Variants in TSGA10 observed in about 807,000 individuals in gnomAD.
TSGA10 encodes the protein testis specific 10, also known as testis-specific gene 10 protein.
TSGA10 carries 43 observed loss-of-function variants against 96.6 expected under a neutral mutation model. The ratio of observed to expected loss-of-function variants is 0.44; its 90% confidence interval spans 0.35 to 0.57. The LOEUF is 0.57. Ranked by LOEUF, TSGA10 falls within the 20% of genes least tolerant of loss-of-function variation. TSGA10 has a pLI of 0.01. For synonymous variants in TSGA10, 229 were observed against 269.9 expected (o/e 0.85, Z 1.48); for missense variants, 703 against 834.4 (o/e 0.84, Z 1.94).
intron 16 of TSGA10, among the ~76,000 whole-genome samples, chr2:99,060,114 CTATCTT>C (rs2084517550): frequency 6.6e-6 from 1 of 152,040 alleles, no homozygotes; most frequent in Admixed American, 6.6e-5. Context: ...AGAAGTAAAA[CTATCTT>C]TATACATTTA....
At chr2:99,042,551 C>T (rs539514918) in intron 16 of TSGA10, among the ~76,000 whole-genome samples, 12 of 152,264 alleles carry the variant, frequency 7.9e-5, no homozygotes, top group South Asian at 4.1e-4. Flanking sequence ...CTGTCTCTAC[C>T]GTCAAGCCTA....
chr2:99,150,704 T>C, intron 1 of TSGA10: 1 of 1,614,012 alleles, frequency 6.2e-7, no homozygotes, highest in South Asian at 1.1e-5. Context: ...AAAATAAGAT[T>C]AGAAGACACA....
intron 14 of TSGA10, among the ~76,000 whole-genome samples, chr2:99,069,920 G>T (rs990056853): frequency 6.6e-6 from 1 of 151,750 alleles, no homozygotes; most frequent in Admixed American, 6.6e-5. Context: ...AAAAAATCGT[G>T]CTAAAACACA....
intron 14 of TSGA10, 135 bp from the exon 15 acceptor site, chr2:99,069,133 AG>A (rs1574029335): frequency 2.3e-6 from 1 of 426,046 alleles, no homozygotes; most frequent in Non-Finnish European, 4.2e-6. Context: ...ATATAAAAAA[AG>A]AAAACACATA....
At chr2:99,078,289 A>G (rs1481382477) in intron 12 of TSGA10, among the ~76,000 whole-genome samples, 7 of 151,606 alleles carry the variant, frequency 4.6e-5, no homozygotes, top group Non-Finnish European at 1.0e-4. Context: ...AAAAAAAAAA[A>G]AAAGTGTTCC....
intron 9 of TSGA10, 132 bp downstream of exon 9, chr2:99,105,227 C>A: frequency 1.5e-6 from 1 of 661,020 alleles, no homozygotes; most frequent in South Asian, 2.9e-5. Context: ...TATAAAATAC[C>A]TTAAGTATTT....
chr2:99,027,071 T>A (rs2080664752), intron 17 of TSGA10, among the ~76,000 whole-genome samples: 1 of 152,220 alleles, frequency 6.6e-6, no homozygotes, highest in African/African-American at 2.4e-5. Context: ...ACTGCTGATC[T>A]GACAAGAGGT....
At chr2:99,072,739 T>C (rs2086126481) in intron 13 of TSGA10, among the ~76,000 whole-genome samples, 1 of 152,200 alleles carries the variant, frequency 6.6e-6, no homozygotes, top group African/African-American at 2.4e-5. Flanking sequence ...ACACTCTAGG[T>C]TTCAACAACA....
At chr2:99,104,269 C>G (rs2091094249) in intron 9 of TSGA10, 151 bp from the exon 10 acceptor site, 1 of 819,574 alleles carries the variant, frequency 1.2e-6, no homozygotes, top group Non-Finnish European at 1.9e-6. Context: ...GAAGGTTTTA[C>G]AGATAAGGTG....
In TSGA10 at chr2:99,109,531, T is replaced by A. The variant is rs2091633700; in HGVS notation, c.-73-19A>T. 4 of 1,513,936 alleles carry A rather than the reference T, an allele frequency of 2.6e-6. No individual in the cohort carries two copies. Among genetic ancestry groups the A allele is most frequent in the Non-Finnish European group, 3.6e-6 (4 of 1,124,116 alleles). The allele number at this position is 1,513,936 out of a possible 1,614,324, so 93.8% of individuals were successfully genotyped here. On this transcript the variant is annotated intron_variant, in intron 5 of 20. Transcript: ENST00000393483. ...ATCAAGTCTAGAAGGAGATTTATTT[T>A]GTGCTTTTTCAGTATCTAAAATTAT... is the stretch of plus-strand genomic sequence containing the variant.
intron 16 of TSGA10, among the ~76,000 whole-genome samples, chr2:99,037,749 C>T (rs2081778684): frequency 6.6e-6 from 1 of 152,038 alleles, no homozygotes; most frequent in African/African-American, 2.4e-5. Context: ...ACTCTGGAGC[C>T]TGAGGCAGAA....
chr2:99,126,910 G>T, intron 2 of TSGA10, 138 bp downstream of exon 2: 1 of 756,190 alleles, frequency 1.3e-6, no homozygotes, highest in Non-Finnish European at 1.8e-6. Context: ...AAATGGTTAA[G>T]ATAAAAATTG....
intron 16 of TSGA10, among the ~76,000 whole-genome samples, chr2:99,063,985 T>C (rs1014432068): frequency 4.6e-5 from 7 of 152,206 alleles, no homozygotes; most frequent in Admixed American, 3.3e-4. Context: ...ACAAAAAGTA[T>C]GGAAAAAATT....
chr2:99,030,365 T>C (rs991080796), intron 17 of TSGA10, among the ~76,000 whole-genome samples: 42 of 150,780 alleles, frequency 2.8e-4, no homozygotes, highest in African/African-American at 1.0e-3. Context: ...TTAAAATTAT[T>C]GGCTGGGCAT....
intron 1 of TSGA10, among the ~76,000 whole-genome samples, chr2:99,146,166 C>T (rs773381477): frequency 4.6e-5 from 7 of 152,116 alleles, no homozygotes; most frequent in Non-Finnish European, 8.8e-5. Context: ...GCCTGTAATC[C>T]CAGCTACTCG....
At chr2:99,149,826 C>T (rs1320021819) in intron 1 of TSGA10, among the ~76,000 whole-genome samples, 1 of 101,588 alleles carries the variant, frequency 9.8e-6, no homozygotes, top group Non-Finnish European at 1.9e-5. Context: ...GAGTCTCGCT[C>T]TTGTCGCCCA....
chr2:99,149,826 C>G, intron 1 of TSGA10, among the ~76,000 whole-genome samples: 2 of 101,628 alleles, frequency 2.0e-5, no homozygotes, highest in East Asian at 3.2e-4. Context: ...GAGTCTCGCT[C>G]TTGTCGCCCA....
intron 15 of TSGA10, among the ~76,000 whole-genome samples, chr2:99,067,836 C>G (rs1574017012): frequency 6.6e-6 from 1 of 150,894 alleles, no homozygotes; most frequent in East Asian, 1.9e-4. Flanking sequence ...ATACAGTGAG[C>G]CTGTCTCAAA....
At chr2:99,124,595 AT>A (rs1040588865) in intron 2 of TSGA10, among the ~76,000 whole-genome samples, 1 of 151,616 alleles carries the variant, frequency 6.6e-6, no homozygotes, top group Admixed American at 6.6e-5. Context: ...ATATATATAT[AT>A]TTTTTTGAGA....
Sources: gnomAD v4.1 joint callset for allele counts (sites outside exome capture counted in the v4.1 genomes callset) on GRCh38, gnomAD v4.1.1 for gene constraint, MANE v1.5 for transcripts, NCBI Gene and HGNC (gene_info 2026-07-23, HGNC 2026-07-21) for gene names.